The following NRG1 variants were observed in gnomAD, a reference collection of about 807,000 sequenced individuals.
The protein encoded by NRG1 is neuregulin 1.
A neutral mutation model predicts 63.8 loss-of-function variants in NRG1; 18 were observed. The ratio of observed to expected loss-of-function variants is 0.28; its 90% confidence interval spans 0.19 to 0.42. The LOEUF is 0.42. NRG1 is among the 10% of genes least tolerant of loss of function. The pLI, the probability that NRG1 is intolerant of heterozygous loss-of-function variation, is 1.00. For missense variants in NRG1, 762 were observed against 814.7 expected, an observed-to-expected ratio of 0.94 and a Z score of 0.79; for synonymous variants, 302 against 301.3, an observed-to-expected ratio of 1.00 and a Z score of -0.02.
At chr8:32,696,212 C>T (rs933200998) in intron 5 of NRG1, among the ~76,000 whole-genome samples, 1 of 152,176 alleles carries the variant, frequency 6.6e-6, no homozygotes, top group Admixed American at 6.5e-5. Flanking sequence ...AAAGACTACT[C>T]ATGTCTTAGA....
At chr8:31,659,220 T>C (rs565027030) in intron 1 of NRG1, among the ~76,000 whole-genome samples, 2 of 152,110 alleles carry the variant, frequency 1.3e-5, no homozygotes, top group African/African-American at 2.4e-5. Context: ...TAGAACACCA[T>C]GCATTTGTGG....
At chr8:31,742,563 T>TA (rs2131408021) in intron 1 of NRG1, among the ~76,000 whole-genome samples, 1 of 147,214 alleles carries the variant, frequency 6.8e-6, no homozygotes, top group East Asian at 2.1e-4. Flanking sequence ...CCTGAAACAC[T>TA]ATAACTTTTC....
intron 1 of NRG1, among the ~76,000 whole-genome samples, chr8:32,241,307 A>G (rs1249088663): frequency 6.6e-6 from 1 of 152,232 alleles, no homozygotes. Context: ...AGTAAAATGC[A>G]ATGCAATAAA....
chr8:32,407,289 A>G (rs1814162000), intron 1 of NRG1, among the ~76,000 whole-genome samples: 7 of 37,972 alleles, frequency 1.8e-4, no homozygotes, highest in African/African-American at 5.8e-4. Context: ...ATATATATAT[A>G]TATATTATAT....
chr8:31,680,993 T>C (rs1310350964), intron 1 of NRG1, among the ~76,000 whole-genome samples: 9 of 151,992 alleles, frequency 5.9e-5, no homozygotes, highest in Non-Finnish European at 1.0e-4. Flanking sequence ...AAATAATAGA[T>C]GATTTCAGAC....
At chr8:32,275,256 A>G (rs1203761853) in intron 1 of NRG1, among the ~76,000 whole-genome samples, 1 of 152,082 alleles carries the variant, frequency 6.6e-6, no homozygotes, top group Non-Finnish European at 1.5e-5. Flanking sequence ...TTTACTAACA[A>G]CCTACTTTGT....
At chr8:32,591,125 G>C (rs1329789810) in intron 1 of NRG1, among the ~76,000 whole-genome samples, 1 of 152,098 alleles carries the variant, frequency 6.6e-6, no homozygotes, top group East Asian at 1.9e-4. Flanking sequence ...CTTCACTTAC[G>C]CTATGGAGGA....
At chr8:32,158,075 G>A (rs539919147) in intron 1 of NRG1, among the ~76,000 whole-genome samples, 39 of 152,236 alleles carry the variant, frequency 2.6e-4, no homozygotes, top group African/African-American at 9.4e-4. Context: ...CAGGCAGGAG[G>A]TTGTAGGATG....
chr8:32,369,269 CTT>C (rs940790973), intron 1 of NRG1, among the ~76,000 whole-genome samples: 1 of 152,232 alleles, frequency 6.6e-6, no homozygotes, highest in African/African-American at 2.4e-5. Context: ...CGCTTCCTCT[CTT>C]CACTCATTCA....
exon 1 of NRG1, chr8:32,548,465 A>T (rs946205200): frequency 4.3e-5 from 50 of 1,176,184 alleles, no homozygotes; most frequent in Non-Finnish European, 5.2e-5. Context: ...CAGCGGTGGG[A>T]CCCATCGACG....
chr8:32,455,377 G>A (rs1378420864), intron 1 of NRG1, among the ~76,000 whole-genome samples: 1 of 152,060 alleles, frequency 6.6e-6, no homozygotes, highest in Admixed American at 6.6e-5. Context: ...TATATCAAGA[G>A]CTTCTCTATG....
chr8:32,399,602 G>T (rs1173409292), intron 1 of NRG1, among the ~76,000 whole-genome samples: 1 of 152,186 alleles, frequency 6.6e-6, no homozygotes, highest in Non-Finnish European at 1.5e-5. Context: ...CTACTTGGGA[G>T]GCTGAGGTAG....
At chr8:32,734,504 C>T (rs1199900197) in intron 6 of NRG1, among the ~76,000 whole-genome samples, 1 of 152,196 alleles carries the variant, frequency 6.6e-6, no homozygotes, top group Non-Finnish European at 1.5e-5. Flanking sequence ...TCTTTAGAAT[C>T]AGTGTTACAC....
At position 31,640,450 on chromosome 8, in the gene NRG1, G is replaced by A. The variant is rs1803637569; in HGVS notation, c.37+1019G>A. 1 of 1,554,862 alleles carries A rather than the reference G, an allele frequency of 6.4e-7. No homozygotes were observed. Among genetic ancestry groups the A allele is most frequent in the Non-Finnish European group, 8.7e-7 (1 of 1,152,140 alleles). On this transcript the variant is annotated intron_variant, in intron 1 of 10. Transcript: ENST00000519301. The surrounding 1 kb of genome is among the most constrained non-coding windows in gnomAD (Gnocchi z 6.3). ...GGTGCCCAGCGCCGGCGAGCCCGGG[G>A]AGGAGGCGCCCTATCTGGTGAAGGT...
intron 1 of NRG1, among the ~76,000 whole-genome samples, chr8:32,368,931 T>G (rs2129482566): frequency 6.6e-6 from 1 of 152,360 alleles, no homozygotes. Flanking sequence ...ATTTCTTTCT[T>G]TCTCTTCTCT....
chr8:32,756,764 A>C (rs1829775319), intron 9 of NRG1, among the ~76,000 whole-genome samples: 4 of 152,178 alleles, frequency 2.6e-5, no homozygotes, highest in African/African-American at 7.2e-5. Context: ...TTGGAATAAT[A>C]GTGTTGGGTT....
rs560850434 is a variant in NRG1 at position 32,664,883 on chromosome 8, T to G, written c.502+47998T>G. Among the ~76,000 whole-genome samples, 7 of 152,302 alleles carry G rather than the reference T, an allele frequency of 4.6e-5. No individual in the cohort carries two copies. The South Asian group carries it at 1.4e-3, about 32-fold the overall frequency. ...TTTATTGGGTTCTCCTAAGTCTTTA[T>G]GTATTTATTAATGTGCAAAATCAGT... On this transcript the variant is annotated intron_variant, in intron 5 of 11. Coordinates refer to ENST00000356819, the Ensembl canonical transcript of NRG1.
At chr8:31,975,910 G>A (rs997094403) in intron 1 of NRG1, among the ~76,000 whole-genome samples, 1 of 152,034 alleles carries the variant, frequency 6.6e-6, no homozygotes, top group African/African-American at 2.4e-5. Context: ...TTTTATATTT[G>A]TTTTATATTC....
At chr8:32,213,791 C>T (rs1024488532) in intron 1 of NRG1, among the ~76,000 whole-genome samples, 6 of 152,056 alleles carry the variant, frequency 3.9e-5, no homozygotes, top group South Asian at 2.1e-4. Flanking sequence ...CTGACAAAGA[C>T]AGCTTAACAA....
Sources: gnomAD v4.1 joint callset for allele counts (sites outside exome capture counted in the v4.1 genomes callset) on GRCh38, gnomAD v4.1.1 for gene constraint, Gnocchi (gnomAD v3.1) non-coding constraint, MANE v1.5 for transcripts, NCBI Gene and HGNC (gene_info 2026-07-23, HGNC 2026-07-21) for gene names.